AKAP19: variants seen among roughly 807,000 people sequenced by gnomAD.
AKAP19 encodes the protein A-kinase anchoring protein 19, also known as small A-kinase anchoring protein.
the AKAP19 span, among the ~76,000 whole-genome samples, chr2:190,162,151 ATC>A: frequency 1.3e-5 from 2 of 152,102 alleles, no homozygotes; most frequent in Non-Finnish European, 2.9e-5. Context: ...CTTTATGACT[ATC>A]TAGTAGAGTA....
At chr2:189,930,383 G>A in the AKAP19 span, 13 of 382,696 alleles carry the variant, frequency 3.4e-5, no homozygotes, top group Admixed American at 9.5e-5. Flanking sequence ...ATGCACGGTA[G>A]AAATTGAATT....
At chr2:190,058,817 G>A in the AKAP19 span, among the ~76,000 whole-genome samples, 85 of 151,878 alleles carry the variant, frequency 5.6e-4, no homozygotes, top group African/African-American at 2.0e-3. Flanking sequence ...ATACAGAGTA[G>A]TATAAGGTAC....
the AKAP19 span, among the ~76,000 whole-genome samples, chr2:190,046,194 C>G: frequency 5.9e-5 from 9 of 152,306 alleles, 1 homozygote; most frequent in East Asian, 1.7e-3. Flanking sequence ...CTTCTGTTCC[C>G]CTCCAGGAGA....
the AKAP19 span, among the ~76,000 whole-genome samples, chr2:190,088,380 A>G: frequency 1.3e-5 from 2 of 152,200 alleles, no homozygotes; most frequent in African/African-American, 4.8e-5. Flanking sequence ...GCCTTCCAGA[A>G]AATCCCAGTA....
At chr2:190,027,758 A>G in the AKAP19 span, among the ~76,000 whole-genome samples, 5 of 152,150 alleles carry the variant, frequency 3.3e-5, no homozygotes, top group African/African-American at 1.2e-4. Context: ...TTGATTATCA[A>G]TTTCCCTTGT....
At chr2:189,917,575 A>T in the AKAP19 span, 2 of 467,224 alleles carry the variant, frequency 4.3e-6, no homozygotes, top group East Asian at 7.7e-5. Flanking sequence ...TTAAGGTCTT[A>T]TTGCTGGGCT....
chr2:190,055,076 G>A, the AKAP19 span, among the ~76,000 whole-genome samples: 1 of 151,936 alleles, frequency 6.6e-6, no homozygotes, highest in African/African-American at 2.4e-5. Context: ...TTGGAACCAA[G>A]CCAAATGTCC....
chr2:189,925,727 G>A, the AKAP19 span, among the ~76,000 whole-genome samples: 1 of 152,126 alleles, frequency 6.6e-6, no homozygotes, highest in African/African-American at 2.4e-5. Context: ...GATGAGAAGA[G>A]ATTATGGTCT....
At chr2:190,112,767 T>C in the AKAP19 span, among the ~76,000 whole-genome samples, 62,251 of 152,004 alleles carry the variant, frequency 0.41, 14,706 homozygotes, top group South Asian at 0.68. Context: ...ATTTTTAGGA[T>C]TTTGCATCTA....
the AKAP19 span, among the ~76,000 whole-genome samples, chr2:190,188,079 G>T: frequency 6.6e-6 from 1 of 152,190 alleles, no homozygotes. Flanking sequence ...GATTTGAGGG[G>T]TAGGAGACAG....
the AKAP19 span, among the ~76,000 whole-genome samples, chr2:190,047,521 C>T: frequency 6.6e-6 from 1 of 152,172 alleles, no homozygotes; most frequent in Non-Finnish European, 1.5e-5. Flanking sequence ...TTTACTTTTA[C>T]TGTTTACTTT....
the AKAP19 span, among the ~76,000 whole-genome samples, chr2:190,004,872 C>G: frequency 1.8e-4 from 28 of 152,288 alleles, 1 homozygote; most frequent in African/African-American, 6.5e-4. Flanking sequence ...TTCAGTTGCT[C>G]ACTCTTAAAA....
chr2:190,101,497 C>T, the AKAP19 span, among the ~76,000 whole-genome samples: 4 of 152,052 alleles, frequency 2.6e-5, no homozygotes, highest in Non-Finnish European at 4.4e-5. Context: ...GACCAGCAGC[C>T]TGAGCCTCCC....
the AKAP19 span, among the ~76,000 whole-genome samples, chr2:190,025,129 C>T: frequency 6.6e-6 from 1 of 152,182 alleles, no homozygotes; most frequent in Admixed American, 6.5e-5. Context: ...GGCCAGCAAC[C>T]TCATACTTAA....
At chr2:189,985,014 G>A in the AKAP19 span, among the ~76,000 whole-genome samples, 1 of 152,060 alleles carries the variant, frequency 6.6e-6, no homozygotes, top group Non-Finnish European at 1.5e-5. Flanking sequence ...ATCTCAAATT[G>A]CCACTGATAA....
chr2:190,150,926 T>C, the AKAP19 span, among the ~76,000 whole-genome samples: 1 of 152,198 alleles, frequency 6.6e-6, no homozygotes, highest in Non-Finnish European at 1.5e-5. Context: ...TGTATTTTTA[T>C]TGGTGAAGTT....
the AKAP19 span, among the ~76,000 whole-genome samples, chr2:190,072,542 G>A: frequency 3.3e-5 from 5 of 152,264 alleles, no homozygotes; most frequent in South Asian, 2.1e-4. Context: ...AATTTGTAGT[G>A]AATGCTATAT....
the AKAP19 span, among the ~76,000 whole-genome samples, chr2:189,910,717 A>T: frequency 6.6e-6 from 1 of 152,056 alleles, no homozygotes; most frequent in Non-Finnish European, 1.5e-5. Flanking sequence ...ATGGTGCAAT[A>T]TAAGTCACTT....
the AKAP19 span, among the ~76,000 whole-genome samples, chr2:190,112,657 A>G: frequency 3.8e-3 from 578 of 152,222 alleles, 4 homozygotes; most frequent in African/African-American, 0.013. Context: ...TGGTCAAATG[A>G]CTTTCCTCCT....
Sources: gnomAD v4.1 joint callset for allele counts (sites outside exome capture counted in the v4.1 genomes callset) on GRCh38, gnomAD v4.1.1 for gene constraint, MANE v1.5 for transcripts, NCBI Gene and HGNC (gene_info 2026-07-23, HGNC 2026-07-21) for gene names.